The following PDIA3 variants were observed in gnomAD, a reference collection of about 807,000 sequenced individuals.
PDIA3 encodes protein disulfide-isomerase A3.
Under a neutral mutation model 56.9 loss-of-function variants are expected in PDIA3, and 16 were observed. The observed-to-expected ratio is 0.28, with a 90% CI of 0.19 to 0.43. The LOEUF (loss-of-function observed/expected upper bound fraction) is 0.43, where lower values mean the gene tolerates loss of function less well. PDIA3 is among the 20% of genes least tolerant of loss of function. The probability of loss-of-function intolerance (pLI) is 1.00; values close to 1 mark genes in which losing one functional copy is unlikely to be tolerated. For missense variants in PDIA3, 485 were observed against 621.3 expected, an observed-to-expected ratio of 0.78 and a Z score of 2.33; for synonymous variants, 192 against 216.5, an observed-to-expected ratio of 0.89 and a Z score of 0.99.
chr15:43,754,673 T>C (rs1465869398), intron 2 of PDIA3, among the ~76,000 whole-genome samples: 1 of 149,644 alleles, frequency 6.7e-6, no homozygotes, highest in Non-Finnish European at 1.5e-5. Flanking sequence ...TGCACACTAC[T>C]AGACTCCAGC....
intron 4 of PDIA3, among the ~76,000 whole-genome samples, chr15:43,762,110 G>A (rs1039573302): frequency 6.6e-6 from 1 of 152,010 alleles, no homozygotes. Flanking sequence ...CATCTTAGAT[G>A]TTCATTGTTT....
chr15:43,760,939 T>G (rs985325789), intron 3 of PDIA3, among the ~76,000 whole-genome samples: 1 of 151,588 alleles, frequency 6.6e-6, no homozygotes, highest in Non-Finnish European at 1.5e-5. Flanking sequence ...TGGAAGGATA[T>G]ACAAGCAACT....
At position 43,755,914 on chromosome 15, in the gene PDIA3, C is replaced by CA. The variant is rs71854552; in HGVS notation, c.247-718dup. Among the ~76,000 whole-genome samples the CA allele has an allele frequency of 4.8e-3, 425 of 88,440 alleles. 2 individuals are homozygous for CA. Among genetic ancestry groups the CA allele is most frequent in the South Asian group, 0.031 (93 of 2,978 alleles). The allele number at this position is 88,440 out of a possible 152,430, so 58.0% of individuals were successfully genotyped here. A position where few individuals can be genotyped will look rare whatever the true frequency, so the allele number is the denominator to read the frequency against. On this transcript the variant is annotated intron_variant, in intron 2 of 12. Coordinates refer to ENST00000300289, the MANE Select transcript of PDIA3 (RefSeq NM_005313.5). Reference sequence around the variant, plus strand: ...GGGCAACAAGAGTGAAACTCCGTCTCAAAAAAAAAAAAAAAAATTCAATCA... The same window carrying CA: ...GGGCAACAAGAGTGAAACTCCGTCTCAAAAAAAAAAAAAAAAAATTCAATCA...
rs369755658 is a variant in PDIA3, at chr15:43,750,698, C to T, written c.168-3126C>T. On this transcript the variant is annotated intron_variant, in intron 1 of 12. Coordinates refer to ENST00000300289, the MANE Select transcript of PDIA3 (RefSeq NM_005313.5). ...GCTGAGGCAGGAGAATGGTGTGAACCCAGGAGGTGGAGCTTGCAGTAAGCC... is the reference window on the plus strand; with the variant it reads ...GCTGAGGCAGGAGAATGGTGTGAACTCAGGAGGTGGAGCTTGCAGTAAGCC... Among the ~76,000 whole-genome samples, 10 of 151,518 alleles carry T rather than the reference C, an allele frequency of 6.6e-5. No homozygotes were observed. The East Asian group carries it at 1.2e-3, about 18-fold the overall frequency.
Position 43,766,809 on chromosome 15 carries a change from T to G in PDIA3, c.927T>G (p.His309Gln). Residue 309 changes from histidine (H) to glutamine (Q), a missense_variant, in exon 8 of 13, where the codon CAT (histidine) becomes CAG (glutamine). Coordinates refer to ENST00000300289, the MANE Select transcript of PDIA3 (RefSeq NM_005313.5). ...TAGCTAGCCGCAAAACCTTTAGCCATGAACTTTCTGATTTTGGCTTGGAGA... is the reference window on the plus strand; with the variant it reads ...TAGCTAGCCGCAAAACCTTTAGCCAGGAACTTTCTGATTTTGGCTTGGAGA... ...FAVASRKTFS[H>Q]ELSDFGLEST... The G allele has an allele frequency of 6.2e-7, 1 of 1,613,234 alleles. No homozygotes were observed. The highest frequency in any genetic ancestry group is 8.5e-7 in the Non-Finnish European group (1 of 1,179,138).
intron 2 of PDIA3, among the ~76,000 whole-genome samples, chr15:43,754,540 A>G (rs1425210044): frequency 6.6e-6 from 1 of 151,916 alleles, no homozygotes; most frequent in African/African-American, 2.4e-5. Context: ...TGCCTGGGCA[A>G]CAAAGCAAGA....
At chr15:43,752,661 A>C (rs28595038) in intron 1 of PDIA3, 55,097 of 406,944 alleles carry the variant, frequency 0.14, 4,939 homozygotes, top group African/African-American at 0.29. Flanking sequence ...AAGCTGTTAT[A>C]ATCCTTTATT....
intron 3 of PDIA3, among the ~76,000 whole-genome samples, chr15:43,760,835 A>G (rs905859307): frequency 6.6e-6 from 1 of 151,890 alleles, no homozygotes; most frequent in Non-Finnish European, 1.5e-5. Flanking sequence ...CCGGCCAAAA[A>G]AACTTTTTAA....
At chr15:43,770,699 G>A (rs528674879) in intron 12 of PDIA3, 119 bp downstream of exon 12, 40 of 734,062 alleles carry the variant, frequency 5.4e-5, no homozygotes, top group Middle Eastern at 3.3e-4. Context: ...ACGGAGTTTC[G>A]CTCTTGTTGC....
chr15:43,763,747 A>G (rs1234664954), intron 5 of PDIA3, among the ~76,000 whole-genome samples: 3 of 152,088 alleles, frequency 2.0e-5, no homozygotes, highest in Non-Finnish European at 2.9e-5. Context: ...GGTTGGAAGT[A>G]CAAAAGAGGG....
chr15:43,751,709 G>T, intron 1 of PDIA3: 1 of 1,302,466 alleles, frequency 7.7e-7, no homozygotes. Context: ...CAGCCTTGCA[G>T]CTTACACACA....
At chr15:43,750,508 G>A (rs1211216099) in intron 1 of PDIA3, among the ~76,000 whole-genome samples, 1 of 151,040 alleles carries the variant, frequency 6.6e-6, no homozygotes. Flanking sequence ...GGGCACGGTG[G>A]CTCACGCCTG....
chr15:43,758,986 T>A (rs527306417), intron 3 of PDIA3, among the ~76,000 whole-genome samples: 39 of 146,956 alleles, frequency 2.7e-4, no homozygotes, highest in South Asian at 2.2e-3. Flanking sequence ...AAAAAAAAAA[T>A]AAAAATGAAA....
intron 2 of PDIA3, among the ~76,000 whole-genome samples, chr15:43,754,138 G>A (rs1343620073): frequency 6.6e-6 from 1 of 152,214 alleles, no homozygotes; most frequent in Non-Finnish European, 1.5e-5. Context: ...GCTCATGCCT[G>A]TAATCCCAGC....
Position 43,771,626 on chromosome 15 carries a change from CTCT to C in PDIA3, c.*409_*411del. Reference sequence around the variant, plus strand: ...AGAGCTTTCTTCAGTGATGGAAATGCTCTGTAATCTACACTGTTCAGTACAGGT... The same window carrying C: ...AGAGCTTTCTTCAGTGATGGAAATGCGTAATCTACACTGTTCAGTACAGGT... On this transcript the variant is annotated 3_prime_UTR_variant, in exon 13 of 13. Coordinates refer to ENST00000300289, the MANE Select transcript of PDIA3 (RefSeq NM_005313.5). The C allele has an allele frequency of 2.4e-6, 1 of 416,902 alleles. No homozygotes were observed. The highest frequency in any genetic ancestry group is 4.2e-6 in the Non-Finnish European group (1 of 237,464). The allele number at this position is 416,902 out of a possible 1,614,324, so 25.8% of individuals were successfully genotyped here. A position where few individuals can be genotyped will look rare whatever the true frequency, so the allele number is the denominator to read the frequency against.
intron 1 of PDIA3, chr15:43,752,859 G>GTGAT: frequency 4.2e-6 from 2 of 471,092 alleles, no homozygotes; most frequent in South Asian, 3.1e-5. Context: ...TTTTGAAAAG[G>GTGAT]TGATGTACAG....
intron 1 of PDIA3, among the ~76,000 whole-genome samples, chr15:43,750,737 T>A (rs1348936594): frequency 6.6e-6 from 1 of 151,278 alleles, no homozygotes; most frequent in Non-Finnish European, 1.5e-5. Context: ...ATCACGCCAC[T>A]GCACTCCAGC....
Position 43,768,551 on chromosome 15 carries a change from A to G in PDIA3, c.1091A>G (p.Tyr364Cys). Reference sequence around the variant, plus strand: ...TACTTTGATGGCAATCTGAAGAGATACCTGAAGTCTGAACCTATCCCAGAG... The same window carrying G: ...TACTTTGATGGCAATCTGAAGAGATGCCTGAAGTCTGAACCTATCCCAGAG... ...QDYFDGNLKR[Y>C]LKSEPIPESN... Residue 364 changes from tyrosine to cysteine, a missense_variant, in exon 9 of 13, where the codon TAC becomes TGC. Coordinates refer to ENST00000300289, the MANE Select transcript of PDIA3 (RefSeq NM_005313.5). 6.2e-7 allele frequency: 1 copy of G among 1,613,936 alleles called. No homozygotes were observed. Among genetic ancestry groups the G allele is most frequent in the African/African-American group, 1.3e-5 (1 of 75,054 alleles).
At chr15:43,757,855 C>T (rs1426582855) in intron 3 of PDIA3, among the ~76,000 whole-genome samples, 1 of 150,378 alleles carries the variant, frequency 6.6e-6, no homozygotes, top group Non-Finnish European at 1.5e-5. Flanking sequence ...GAGCGAGACT[C>T]CATCTCCACA....
Sources: allele counts gnomAD v4.1 joint callset (sites outside exome capture counted in the v4.1 genomes callset), GRCh38; gene constraint gnomAD v4.1.1; transcripts MANE v1.5; gene names NCBI Gene and HGNC (gene_info 2026-07-23, HGNC 2026-07-21).